Variants in ZMYM4 observed in about 807,000 individuals in gnomAD.
ZMYM4 encodes zinc finger MYM-type containing 4.
A neutral mutation model predicts 183.2 loss-of-function variants in ZMYM4; 31 were observed. That is an observed-to-expected ratio of 0.17 (90% CI 0.13 to 0.23). The LOEUF (loss-of-function observed/expected upper bound fraction) is 0.23, where lower values mean the gene tolerates loss of function less well. Ranked by LOEUF, ZMYM4 falls within the 10% of genes least tolerant of loss-of-function variation. ZMYM4 has a pLI of 1.00. For missense variants in ZMYM4, 1,273 were observed against 1,840.3 expected, an observed-to-expected ratio of 0.69 and a Z score of 5.64; for synonymous variants, 592 against 631.2, an observed-to-expected ratio of 0.94 and a Z score of 0.93.
intron 1 of ZMYM4, among the ~76,000 whole-genome samples, chr1:35,301,623 A>AC (rs1641282718): frequency 6.6e-6 from 1 of 150,958 alleles, no homozygotes; most frequent in Non-Finnish European, 1.5e-5. Context: ...TATAAACTCT[A>AC]GGAATTGTTC....
chr1:35,321,412 G>A (rs1281877350), intron 1 of ZMYM4, among the ~76,000 whole-genome samples: 1 of 152,144 alleles, frequency 6.6e-6, no homozygotes, highest in Non-Finnish European at 1.5e-5. Flanking sequence ...TACCTGAAAG[G>A]TTGGGTGAGC....
Position 35,415,567 on chromosome 1 carries a change from A to G in ZMYM4, c.4162A>G (p.Thr1388Ala). Reference protein sequence around the residue: ...VLLNTLLFFNTKYFQLKNVTE... With the variant: ...VLLNTLLFFNAKYFQLKNVTE... ...TTTAAACACCCTCCTTTTCTTCAAT[A>G]CCAAATACTTCCAACTAAAGAATGT... Residue 1388 changes from threonine to alanine, a missense_variant, in exon 28 of 30, where the codon ACC (threonine) becomes GCC (alanine). By Grantham distance (58) the Thr-to-Ala change is moderately conservative. This residue lies in a region of ZMYM4 where 145 missense variants were observed against 331.6 expected (regional missense o/e 0.44). Coordinates refer to ENST00000314607, the MANE Select transcript of ZMYM4 (RefSeq NM_005095.3). 1 of 1,614,214 alleles carries G rather than the reference A, an allele frequency of 6.2e-7. No homozygotes were observed. The highest frequency in any genetic ancestry group is 8.5e-7 in the Non-Finnish European group (1 of 1,180,038).
At chr1:35,393,506 A>G (rs535904574) in intron 17 of ZMYM4, 89 bp from the exon 18 acceptor site, 18 of 1,231,560 alleles carry the variant, frequency 1.5e-5, no homozygotes, top group South Asian at 5.7e-5. Flanking sequence ...TAATTCCAAT[A>G]TGACATTTCC....
rs150069131 is a variant in ZMYM4, at chr1:35,405,176, G to T, written c.3682G>T (p.Gly1228Trp). 2.5e-6 allele frequency: 4 copies of T among 1,613,956 alleles called. No individual in the cohort carries two copies. The highest frequency in any genetic ancestry group is 2.5e-6 in the Non-Finnish European group (3 of 1,179,948). ...GTGGAAAAATGCCAAGGAAGAGCAG[G>T]GGGATCTAAAATGTGGAGGTAAGTG... Reference protein sequence around the residue: ...VQWKNAKEEQGDLKCGGVEQA... With the variant: ...VQWKNAKEEQWDLKCGGVEQA... Residue 1228 changes from glycine to tryptophan, a missense_variant, in exon 24 of 30, where the codon GGG becomes TGG. Transcript: ENST00000314607.
intron 1 of ZMYM4, among the ~76,000 whole-genome samples, chr1:35,297,024 A>G (rs1641052687): frequency 1.3e-5 from 2 of 151,606 alleles, no homozygotes; most frequent in South Asian, 4.2e-4. Flanking sequence ...TAACGTTTGC[A>G]TTTTTAGTAG....
chr1:35,394,586 A>G (rs924443924), intron 18 of ZMYM4, among the ~76,000 whole-genome samples: 2 of 152,128 alleles, frequency 1.3e-5, no homozygotes, highest in Admixed American at 6.6e-5. Flanking sequence ...GTTTCTGTCA[A>G]GCTGAGCTGA....
chr1:35,416,476 A>G (rs994839758), intron 28 of ZMYM4, among the ~76,000 whole-genome samples: 1 of 152,126 alleles, frequency 6.6e-6, no homozygotes, highest in Non-Finnish European at 1.5e-5. Context: ...TCATTTACTA[A>G]GATTATCTTT....
chr1:35,374,908 C>T (rs964208405), intron 7 of ZMYM4, among the ~76,000 whole-genome samples: 2 of 152,104 alleles, frequency 1.3e-5, no homozygotes, highest in East Asian at 3.8e-4. Context: ...ACCTATGTGT[C>T]ATTTTATCTA....
chr1:35,309,160 A>G, intron 1 of ZMYM4: 1 of 508,454 alleles, frequency 2.0e-6, no homozygotes. Context: ...TTAACTGTTG[A>G]CATTTTATAA....
chr1:35,370,565 T>C lies in ZMYM4; in HGVS notation c.1119T>C (p.Tyr373=). The C allele has an allele frequency of 6.2e-7, 1 of 1,613,416 alleles. No individual in the cohort carries two copies. Among genetic ancestry groups the C allele is most frequent in the South Asian group, 1.1e-5 (1 of 91,032 alleles). Residue 373 remains tyrosine (Y), a synonymous_variant, in exon 7 of 30, where the codon TAT becomes TAC. Transcript: ENST00000314607. The stretch of plus-strand genomic sequence containing the variant: ...GCTCCACACTGTGCCTCACTGGATA[T>C]ACAGTTCCACCTGCCCGCCCACCGC... ...LFCSTLCLTG[Y]TVPPARPPPP... is the part of the protein sequence containing the mutation.
At chr1:35,379,837 G>C (rs944433536) in intron 7 of ZMYM4, among the ~76,000 whole-genome samples, 2 of 152,182 alleles carry the variant, frequency 1.3e-5, no homozygotes, top group Non-Finnish European at 2.9e-5. Context: ...GAAGTGGCTG[G>C]TCAATGGAGC....
At chr1:35,383,115 A>T (rs1486721072) in intron 9 of ZMYM4, among the ~76,000 whole-genome samples, 1 of 152,102 alleles carries the variant, frequency 6.6e-6, no homozygotes, top group African/African-American at 2.4e-5. Flanking sequence ...AACTGGATGA[A>T]CTCTATAACA....
At chr1:35,326,168 T>C (rs1247053471) in intron 2 of ZMYM4, among the ~76,000 whole-genome samples, 1 of 152,188 alleles carries the variant, frequency 6.6e-6, no homozygotes, top group Non-Finnish European at 1.5e-5. Flanking sequence ...TTACCATAAG[T>C]TTAAATTGAT....
At chr1:35,278,762 C>A (rs1190002163) in intron 1 of ZMYM4, among the ~76,000 whole-genome samples, 3 of 152,110 alleles carry the variant, frequency 2.0e-5, no homozygotes, top group Non-Finnish European at 4.4e-5. Flanking sequence ...AATATTATAA[C>A]CTCAAAAAGT....
At position 35,281,584 on chromosome 1, in the gene ZMYM4, C is replaced by T. The variant is rs114692775; in HGVS notation, c.39+12499C>T. ...TCAGTCATTCCACACCGTATACATA[C>T]GTGTGTATCAAAACACCACTGTGTA... On this transcript the variant is annotated intron_variant, in intron 1 of 29. Coordinates refer to ENST00000314607, the MANE Select transcript of ZMYM4 (RefSeq NM_005095.3). 6.2e-3 allele frequency among the ~76,000 whole-genome samples: 934 copies of T among 151,784 alleles called. 8 individuals are homozygous for T. The highest frequency in any genetic ancestry group is 0.021 in the African/African-American group (883 of 41,424).
chr1:35,289,644 A>G (rs1469949803), intron 1 of ZMYM4, among the ~76,000 whole-genome samples: 1 of 152,164 alleles, frequency 6.6e-6, no homozygotes, highest in Non-Finnish European at 1.5e-5. Context: ...GGACCAGGTA[A>G]TTCTTTGTTG....
intron 1 of ZMYM4, among the ~76,000 whole-genome samples, chr1:35,293,800 A>G (rs1176078186): frequency 6.6e-6 from 1 of 152,160 alleles, no homozygotes; most frequent in East Asian, 1.9e-4. Flanking sequence ...GGTCGATGCT[A>G]GGAAGTGGGA....
At chr1:35,390,164 G>T (rs1206531457) in intron 15 of ZMYM4, 66 bp downstream of exon 15, 3 of 1,501,614 alleles carry the variant, frequency 2.0e-6, no homozygotes, top group South Asian at 1.3e-5. Flanking sequence ...TTCTTTTACA[G>T]ATCAGGAACT....
intron 1 of ZMYM4, among the ~76,000 whole-genome samples, chr1:35,315,387 T>A (rs968108927): frequency 1.3e-5 from 2 of 152,110 alleles, no homozygotes; most frequent in African/African-American, 4.8e-5. Flanking sequence ...GTTTTTATTT[T>A]ATATAACCTT....
Sources: gnomAD v4.1 joint callset for allele counts (sites outside exome capture counted in the v4.1 genomes callset) on GRCh38, gnomAD v4.1.1 for gene constraint, gnomAD v4.1.1 regional missense constraint, MANE v1.5 for transcripts, NCBI Gene and HGNC (gene_info 2026-07-23, HGNC 2026-07-21) for gene names.